Variants in TTBK2 observed in about 807,000 individuals in gnomAD.
TTBK2 encodes the protein tau tubulin kinase 2.
A neutral mutation model predicts 110.8 loss-of-function variants in TTBK2; 28 were observed. The observed-to-expected ratio is 0.25, with a 90% confidence interval of 0.19 to 0.35. The LOEUF is 0.35. Among genes scored for constraint, TTBK2 ranks in the 10% least tolerant of loss-of-function variants. The probability of loss-of-function intolerance (pLI) is 1.00; values close to 1 mark genes in which losing one functional copy is unlikely to be tolerated. For missense variants in TTBK2, 1,369 were observed against 1,500.3 expected (o/e 0.91, Z 1.45); for synonymous variants, 532 against 527.3 (o/e 1.01, Z -0.12).
At chr15:42,757,308 A>C (rs1443263243) in intron 13 of TTBK2, among the ~76,000 whole-genome samples, 1 of 151,758 alleles carries the variant, frequency 6.6e-6, no homozygotes, top group Admixed American at 6.6e-5. Flanking sequence ...ACAGGGTCTC[A>C]CTATGTTGCC....
chr15:42,749,131 G>A (rs1566998330), intron 14 of TTBK2, among the ~76,000 whole-genome samples: 2 of 152,196 alleles, frequency 1.3e-5, no homozygotes, highest in Non-Finnish European at 2.9e-5. Flanking sequence ...CTAGATGATT[G>A]TGGCTTTGTT....
intron 3 of TTBK2, among the ~76,000 whole-genome samples, chr15:42,864,572 G>A (rs560976567): frequency 1.3e-5 from 2 of 150,376 alleles, no homozygotes; most frequent in South Asian, 2.1e-4. Flanking sequence ...CAATAAGAAC[G>A]AAACTCCATC....
At chr15:42,815,906 AT>A (rs1278184476) in intron 7 of TTBK2, among the ~76,000 whole-genome samples, 16 of 104,604 alleles carry the variant, frequency 1.5e-4, no homozygotes, top group African/African-American at 7.8e-4. Context: ...ATATATATAT[AT>A]TTAAAAATAT....
intron 7 of TTBK2, among the ~76,000 whole-genome samples, 173 bp downstream of exon 7, chr15:42,816,859 C>T (rs1022199550): frequency 1.3e-5 from 2 of 151,742 alleles, no homozygotes; most frequent in Middle Eastern, 3.2e-3. Context: ...GCAGAGGTTG[C>T]GGTGAGCCAA....
intron 1 of TTBK2, 127 bp from the exon 2 acceptor site, chr15:42,878,811 G>T: frequency 8.2e-7 from 1 of 1,224,384 alleles, no homozygotes; most frequent in Non-Finnish European, 1.1e-6. Context: ...GGGAAGAAGG[G>T]GAAAAAGACC....
chr15:42,815,102 A>G (rs967554131), intron 7 of TTBK2, among the ~76,000 whole-genome samples: 17 of 152,206 alleles, frequency 1.1e-4, no homozygotes, highest in African/African-American at 2.9e-4. Context: ...TAATTCTTTA[A>G]TAAAATTAAC....
intron 13 of TTBK2, among the ~76,000 whole-genome samples, chr15:42,764,630 G>A (rs999490198): frequency 3.9e-5 from 6 of 152,380 alleles, no homozygotes; most frequent in South Asian, 2.1e-4. Flanking sequence ...AGAGCCCACC[G>A]CAGCTCAGCA....
chr15:42,789,532 G>T (rs1441302860), intron 10 of TTBK2, among the ~76,000 whole-genome samples: 2 of 151,970 alleles, frequency 1.3e-5, no homozygotes, highest in Non-Finnish European at 2.9e-5. Context: ...TCAGGAGTTC[G>T]AGACCAGCCT....
At chr15:42,840,489 T>A in intron 3 of TTBK2, 56 bp from the exon 4 acceptor site, 3 of 1,486,976 alleles carry the variant, frequency 2.0e-6, no homozygotes, top group Non-Finnish European at 2.8e-6. Flanking sequence ...TCTTAAAAAA[T>A]TAATAATTTG....
intron 9 of TTBK2, among the ~76,000 whole-genome samples, chr15:42,806,778 T>C (rs1221364087): frequency 6.6e-6 from 1 of 152,110 alleles, no homozygotes; most frequent in Non-Finnish European, 1.5e-5. Flanking sequence ...CCAACACAAA[T>C]TTGTAAACTT....
chr15:42,763,638 T>C (rs2140680343), intron 13 of TTBK2, among the ~76,000 whole-genome samples: 1 of 152,296 alleles, frequency 6.6e-6, no homozygotes, highest in Middle Eastern at 3.4e-3. Context: ...ACATTGTATG[T>C]GTCAAGACAT....
intron 3 of TTBK2, among the ~76,000 whole-genome samples, chr15:42,859,789 T>C (rs1459766721): frequency 1.3e-5 from 2 of 152,084 alleles, no homozygotes; most frequent in East Asian, 1.9e-4. Flanking sequence ...AGATCAGGAA[T>C]TTAAAACAAC....
intron 1 of TTBK2, among the ~76,000 whole-genome samples, chr15:42,901,837 C>T (rs1037152786): frequency 6.6e-6 from 1 of 152,102 alleles, no homozygotes; most frequent in Non-Finnish European, 1.5e-5. Flanking sequence ...TGAATAGACA[C>T]TTGTCCAAAG....
At chr15:42,900,866 T>A (rs558130580) in intron 1 of TTBK2, among the ~76,000 whole-genome samples, 203 of 152,130 alleles carry the variant, frequency 1.3e-3, no homozygotes, top group Non-Finnish European at 2.5e-3. Context: ...AATATTTAAC[T>A]CTCCCATACA....
At chr15:42,799,196 C>T (rs1455089762) in intron 9 of TTBK2, among the ~76,000 whole-genome samples, 2 of 151,944 alleles carry the variant, frequency 1.3e-5, no homozygotes, top group Admixed American at 6.5e-5. Flanking sequence ...GGTGAAACCC[C>T]GTCTCTACTA....
At chr15:42,847,088 G>C (rs1318159580) in intron 3 of TTBK2, among the ~76,000 whole-genome samples, 2 of 152,130 alleles carry the variant, frequency 1.3e-5, no homozygotes, top group East Asian at 3.8e-4. Flanking sequence ...CCCAAGGAGG[G>C]GGGAATCAAG....
chr15:42,861,613 T>C (rs1251832566), intron 3 of TTBK2, among the ~76,000 whole-genome samples: 1 of 152,150 alleles, frequency 6.6e-6, no homozygotes, highest in Non-Finnish European at 1.5e-5. Flanking sequence ...GGAAAGTTTG[T>C]AGCACTAAAT....
Position 42,794,563 on chromosome 15 carries a change from G to A in TTBK2, c.980+81C>T. On this transcript the variant is annotated intron_variant, in intron 10 of 14. Transcript: ENST00000267890. ...CGGATGTCTTAGCATTTGGTCATCT[G>A]AGGGAATCTGGATGAAGTAAATTTT... 3.8e-6 allele frequency: 6 copies of A among 1,592,872 alleles called. No individual in the cohort carries two copies. In the South Asian group the frequency reaches 5.5e-5, roughly 15 times the overall value.
intron 2 of TTBK2, among the ~76,000 whole-genome samples, chr15:42,873,574 C>G (rs1894698681): frequency 1.3e-5 from 2 of 152,114 alleles, no homozygotes; most frequent in Admixed American, 6.6e-5. Flanking sequence ...CACTATACAT[C>G]TATTTATTCA....
Sources: gnomAD v4.1 joint callset for allele counts (sites outside exome capture counted in the v4.1 genomes callset) on GRCh38, gnomAD v4.1.1 for gene constraint, MANE v1.5 for transcripts, NCBI Gene and HGNC (gene_info 2026-07-23, HGNC 2026-07-21) for gene names.